POU2F2: variants seen among roughly 807,000 people sequenced by gnomAD.
The protein encoded by POU2F2 is POU domain, class 2, transcription factor 2.
Under a neutral mutation model 63.5 loss-of-function variants are expected in POU2F2, and 14 were observed. The observed-to-expected ratio is 0.22, with a 90% CI of 0.15 to 0.34. The LOEUF (loss-of-function observed/expected upper bound fraction) is 0.34, where lower values mean the gene tolerates loss of function less well. POU2F2 is among the 10% of genes least tolerant of loss of function. The pLI, the probability that POU2F2 is intolerant of heterozygous loss-of-function variation, is 1.00. For missense variants in POU2F2, 607 were observed against 815.2 expected (o/e 0.74, Z 3.11); for synonymous variants, 306 against 348.6 (o/e 0.88, Z 1.36).
rs551195439 is a variant in POU2F2 at position 42,155,349 on chromosome 19, C to A, written c.-9+4983G>T. On this transcript the variant is annotated intron_variant, in intron 2 of 6. Transcript: ENST00000524801. The surrounding 1 kb of genome is among the most constrained non-coding windows in gnomAD (Gnocchi z 4.2). ...CTTTGCTCCTCTCCGTTGCTCTGTT[C>A]CCCTCTCTGTGTTTCTGTCATGAGG... Among the ~76,000 whole-genome samples, 73 of 152,292 alleles carry A rather than the reference C, an allele frequency of 4.8e-4. No individual in the cohort carries two copies. The highest frequency in any genetic ancestry group is 3.4e-3 in the Middle Eastern group (1 of 294).
intron 5 of POU2F2, chr19:42,110,646 G>A (rs958041134): frequency 1.8e-5 from 8 of 448,160 alleles, no homozygotes; most frequent in Non-Finnish European, 4.5e-6. Context: ...GAGAGACCTG[G>A]GCCTTGGAGC....
chr19:42,086,354 G>C lies in POU2F2; in HGVS notation c.*4903C>G, dbSNP rs942243594. On this transcript the variant is annotated 3_prime_UTR_variant, in exon 15 of 15. Coordinates refer to ENST00000692977, the MANE Select transcript of POU2F2 (RefSeq NM_001394376.1). The stretch of plus-strand genomic sequence containing the variant: ...CGGAACTGAAAGGGAGGCTAACTTG[G>C]TAAGGATGGAGGAAAGGCAGGTCTA... 2.6e-5 allele frequency: 4 copies of C among 152,274 alleles called. No homozygotes were observed. The highest frequency in any genetic ancestry group is 2.0e-4 in the Admixed American group (3 of 15,280). 9.4% of individuals were successfully genotyped at this position (152,274 alleles called of 1,614,324 possible). A position where few individuals can be genotyped will look rare whatever the true frequency, so the allele number is the denominator to read the frequency against.
At chr19:42,102,583 C>A (rs558455161) in intron 5 of POU2F2, among the ~76,000 whole-genome samples, 1 of 150,806 alleles carries the variant, frequency 6.6e-6, no homozygotes, top group East Asian at 1.9e-4. Context: ...ATAGTGAGAC[C>A]CCCATCTCAA....
At chr19:42,146,595 C>T (rs1333531379) in intron 2 of POU2F2, among the ~76,000 whole-genome samples, 1 of 152,126 alleles carries the variant, frequency 6.6e-6, no homozygotes, top group East Asian at 1.9e-4. Context: ...ACCTTCAAAT[C>T]TACTCGCTCC....
In POU2F2 at chr19:42,091,877, G is replaced by A. The variant is rs181004153; in HGVS notation, c.1530C>T (p.Ala510=). 5 of 1,538,858 alleles carry A rather than the reference G, an allele frequency of 3.2e-6. No individual in the cohort carries two copies. Among genetic ancestry groups the A allele is most frequent in the Middle Eastern group, 1.7e-4 (1 of 6,012 alleles). The change falls in exon 14 of 15, where the codon GCC becomes GCT. Residue 510 remains alanine (A), a synonymous_variant. Transcript: ENST00000692977. ...SPALMSNNPL[A]TIQALASGGT... ...TGAGGCAGCACGCACCTTGGATAGT[G>A]GCCAAAGGGTTGTTGCTCATGAGGG... is the stretch of plus-strand genomic sequence containing the variant.
At chr19:42,185,481 G>A (rs541783018) in intron 1 of POU2F2, among the ~76,000 whole-genome samples, 1 of 152,086 alleles carries the variant, frequency 6.6e-6, no homozygotes, top group South Asian at 2.1e-4. Context: ...ACAGTAACTG[G>A]CTCCCCTCCC....
intron 2 of POU2F2, among the ~76,000 whole-genome samples, chr19:42,140,358 G>A (rs1418727537): frequency 6.6e-6 from 1 of 152,120 alleles, no homozygotes; most frequent in African/African-American, 2.4e-5. Context: ...TGAAAAGCAA[G>A]AGCCCATGGC....
intron 1 of POU2F2, among the ~76,000 whole-genome samples, chr19:42,167,427 C>A (rs2034674463): frequency 6.6e-6 from 1 of 151,384 alleles, no homozygotes; most frequent in African/African-American, 2.4e-5. Context: ...GCACTCCAGC[C>A]TGGGCAACAG....
chr19:42,148,776 CA>C (rs2034283575), intron 2 of POU2F2, among the ~76,000 whole-genome samples: 2 of 144,514 alleles, frequency 1.4e-5, no homozygotes, highest in Admixed American at 1.4e-4. Context: ...GGTTCTTCCT[CA>C]CTTGCTCCAC....
rs574117418 is a variant in POU2F2 at position 42,117,707 on chromosome 19, C to T, written c.187-275G>A. 4.6e-5 allele frequency among the ~76,000 whole-genome samples: 7 copies of T among 151,934 alleles called. No individual in the cohort carries two copies. Among genetic ancestry groups the T allele is most frequent in the African/African-American group, 1.4e-4 (6 of 41,418 alleles). ...TAAAATGGAAAAGAGTGGCTGGGCA[C>T]GGTGGCTCATACCTGTAACCCTAGC... On this transcript the variant is annotated intron_variant, in intron 4 of 14. Coordinates refer to ENST00000692977, the MANE Select transcript of POU2F2 (RefSeq NM_001394376.1). The surrounding 1 kb of genome is among the most constrained non-coding windows in gnomAD (Gnocchi z 4.4).
chr19:42,122,180 G>T lies in POU2F2; in HGVS notation c.132C>A (p.Asn44Lys). Residue 44 changes from asparagine to lysine, a missense_variant and splice_region_variant, in exon 4 of 15, where the codon AAC (asparagine) becomes AAA (lysine). Physicochemically the swap from Asn to Lys is moderately conservative, Grantham distance 94. Around this residue, in one of 7 missense-constraint regions of POU2F2, gnomAD observed 224 missense variants for 264.3 expected, o/e 0.85. Transcript: ENST00000692977. ...AGAATGGGGAGGTCTTATTTTGGGG[G>T]TTCTGCAAAGAGAAAGTAGGAGCAA... Reference protein sequence around the residue: ...ERNGPDTNHQNPQNKTSPFSV... With the variant: ...ERNGPDTNHQKPQNKTSPFSV... The T allele has an allele frequency of 1.2e-6, 2 of 1,612,648 alleles. No individual in the cohort carries two copies. Among genetic ancestry groups the T allele is most frequent in the Non-Finnish European group, 8.5e-7 (1 of 1,179,058 alleles).
upstream of POU2F2, chr19:42,177,461 G>C (rs973297285): frequency 1.3e-5 from 2 of 153,082 alleles, no homozygotes; most frequent in African/African-American, 2.4e-5. Flanking sequence ...GGAGAGGGCG[G>C]GGAGCGCAGG....
chr19:42,116,071 G>A (rs960664183), intron 5 of POU2F2, among the ~76,000 whole-genome samples: 24 of 152,182 alleles, frequency 1.6e-4, no homozygotes, highest in African/African-American at 5.6e-4. Flanking sequence ...CGGCCCTGCC[G>A]ATACCTTGAG....
chr19:42,192,179 T>C (rs2035081736), intron 1 of POU2F2, among the ~76,000 whole-genome samples: 1 of 152,132 alleles, frequency 6.6e-6, no homozygotes, highest in South Asian at 2.1e-4. Context: ...CGAGGATGGA[T>C]TATCAGGGAC....
intron 7 of POU2F2, 127 bp downstream of exon 7, chr19:42,099,400 A>T: frequency 1.2e-6 from 1 of 835,214 alleles, no homozygotes; most frequent in Non-Finnish European, 1.9e-6. Context: ...TCTCACAGCA[A>T]ATCACTGGCA....
At chr19:42,122,757 C>G (rs2032796077) in intron 1 of POU2F2, among the ~76,000 whole-genome samples, 181 bp from the exon 2 acceptor site, 1 of 152,168 alleles carries the variant, frequency 6.6e-6, no homozygotes, top group East Asian at 1.9e-4. Flanking sequence ...CCTCCTCTGG[C>G]AAGATGAGAC....
In POU2F2 at chr19:42,139,576, G is replaced by A. The variant is rs1020924799; in HGVS notation, c.-8-17000C>T. Among the ~76,000 whole-genome samples, 6 of 152,112 alleles carry A rather than the reference G, an allele frequency of 3.9e-5. No individual in the cohort carries two copies. The East Asian group carries it at 1.2e-3, about 29-fold the overall frequency. ...TGCCTCAGTCTCCTGAGTAGCTGGGGCTACAACCATGCGCCACCATGCCCA... is the reference window on the plus strand; with the variant it reads ...TGCCTCAGTCTCCTGAGTAGCTGGGACTACAACCATGCGCCACCATGCCCA... On this transcript the variant is annotated intron_variant, in intron 2 of 6. Transcript: ENST00000524801.
At chr19:42,143,522 C>T (rs112419675) in intron 2 of POU2F2, among the ~76,000 whole-genome samples, 5 of 152,284 alleles carry the variant, frequency 3.3e-5, no homozygotes, top group African/African-American at 1.2e-4. Flanking sequence ...GTGCCCATCA[C>T]GGCAAGCGCT....
At chr19:42,175,566 G>A (rs1160458792) in intron 1 of POU2F2, among the ~76,000 whole-genome samples, 2 of 151,634 alleles carry the variant, frequency 1.3e-5, no homozygotes, top group East Asian at 1.9e-4. Context: ...GTGGGGAGGA[G>A]GAGAAAGAGC....
Sources: gnomAD v4.1 joint callset for allele counts (sites outside exome capture counted in the v4.1 genomes callset) on GRCh38, gnomAD v4.1.1 for gene constraint, gnomAD v4.1.1 regional missense constraint, Gnocchi (gnomAD v3.1) non-coding constraint, MANE v1.5 for transcripts, NCBI Gene and HGNC (gene_info 2026-07-23, HGNC 2026-07-21) for gene names.